Variants in RACGAP1 observed in about 807,000 individuals in gnomAD.
The protein encoded by RACGAP1 is rac GTPase-activating protein 1.
A neutral mutation model predicts 78.1 loss-of-function variants in RACGAP1; 30 were observed. That is an observed-to-expected ratio of 0.38 (90% CI 0.29 to 0.52). RACGAP1 has a LOEUF of 0.52. RACGAP1 is among the 20% of genes least tolerant of loss of function. RACGAP1 has a pLI of 0.82. For missense variants in RACGAP1, 587 were observed against 777.1 expected (o/e 0.76, Z 2.91); for synonymous variants, 231 against 264.8 (o/e 0.87, Z 1.24).
chr12:50,026,104 C>A (rs949813734), upstream of RACGAP1, among the ~76,000 whole-genome samples: 1 of 152,188 alleles, frequency 6.6e-6, no homozygotes, highest in Non-Finnish European at 1.5e-5. Flanking sequence ...TTATTTAGAA[C>A]TTGGCATTGT....
At position 49,989,329 on chromosome 12, in the gene RACGAP1, A is replaced by G. The variant is rs1947692994; in HGVS notation, c.*939T>C. The G allele has an allele frequency of 6.6e-6, 1 of 152,218 alleles. No homozygotes were observed. Among genetic ancestry groups the G allele is most frequent in the South Asian group, 2.1e-4 (1 of 4,832 alleles). 9.4% of individuals were successfully genotyped at this position (152,218 alleles called of 1,614,324 possible). On this transcript the variant is annotated 3_prime_UTR_variant, in exon 17 of 17. Transcript: ENST00000312377. ...AGCTCACATCTATCTAGATGTGGCTATGTTCCATGGGAAAAATTTCAGCAT... is the reference window on the plus strand; with the variant it reads ...AGCTCACATCTATCTAGATGTGGCTGTGTTCCATGGGAAAAATTTCAGCAT...
upstream of RACGAP1, among the ~76,000 whole-genome samples, chr12:50,029,754 G>A (rs868194710): frequency 2.6e-4 from 40 of 151,698 alleles, no homozygotes; most frequent in Non-Finnish European, 4.0e-4. Context: ...TTAGCTGGGC[G>A]TGGTGGCGGG....
At chr12:50,024,058 G>A (rs56773627) in intron 1 of RACGAP1, among the ~76,000 whole-genome samples, 7,931 of 152,118 alleles carry the variant, frequency 0.052, 675 homozygotes, top group African/African-American at 0.18. Flanking sequence ...CTACTCGGGA[G>A]GCTGAGGCAG....
At chr12:50,009,698 A>G in intron 2 of RACGAP1, among the ~76,000 whole-genome samples, 1 of 152,220 alleles carries the variant, frequency 6.6e-6, no homozygotes. Context: ...AGACCACCTT[A>G]CCAGTTTAAT....
intron 2 of RACGAP1, among the ~76,000 whole-genome samples, chr12:50,007,803 T>A (rs576071644): frequency 6.6e-6 from 1 of 152,228 alleles, no homozygotes; most frequent in Non-Finnish European, 1.5e-5. Context: ...GACCTAGTTA[T>A]CTTAAACAAT....
upstream of RACGAP1, among the ~76,000 whole-genome samples, chr12:50,025,896 C>T (rs949941795): frequency 5.3e-5 from 8 of 152,162 alleles, no homozygotes; most frequent in Non-Finnish European, 1.0e-4. Flanking sequence ...ATTATCCCTT[C>T]CATTGATGTA....
intron 1 of RACGAP1, among the ~76,000 whole-genome samples, chr12:50,018,797 G>A (rs1225107088): frequency 6.6e-6 from 1 of 151,558 alleles, no homozygotes; most frequent in African/African-American, 2.4e-5. Context: ...TTTAGGGGGG[G>A]TTTTAAGTCT....
At chr12:50,023,751 GAAAA>G (rs931942007) in intron 1 of RACGAP1, among the ~76,000 whole-genome samples, 1 of 149,558 alleles carries the variant, frequency 6.7e-6, no homozygotes, top group African/African-American at 2.5e-5. Context: ...AAAAGAAAAA[GAAAA>G]AAAAAGTAAA....
chr12:49,997,331 G>C, intron 9 of RACGAP1, 127 bp from the exon 10 acceptor site: 2 of 1,304,042 alleles, frequency 1.5e-6, no homozygotes, highest in Non-Finnish European at 2.0e-6. Context: ...CTGGAGTGCA[G>C]TGGTGTGATT....
rs76923164 is a variant in RACGAP1 at position 50,009,909 on chromosome 12, A to C, written c.86-3273T>G. 5.4e-3 allele frequency among the ~76,000 whole-genome samples: 829 copies of C among 152,296 alleles called. 4 individuals carry two copies. The highest frequency in any genetic ancestry group is 8.9e-3 in the Non-Finnish European group (606 of 68,024). On this transcript the variant is annotated intron_variant, in intron 2 of 16. Coordinates refer to ENST00000312377, the MANE Select transcript of RACGAP1 (RefSeq NM_001319999.2). ...TTCCTAATCAGTTTGCTACACACTA[A>C]ATTTTTCTAGATTACCCAAAAGCAT...
chr12:50,005,087 T>C (rs576354912), intron 4 of RACGAP1, among the ~76,000 whole-genome samples, 169 bp downstream of exon 4: 5 of 152,234 alleles, frequency 3.3e-5, no homozygotes, highest in Non-Finnish European at 7.3e-5. Flanking sequence ...AAATAAAATA[T>C]ACAGGGACAT....
chr12:50,029,597 A>T (rs1417306097), upstream of RACGAP1, among the ~76,000 whole-genome samples: 2 of 151,252 alleles, frequency 1.3e-5, no homozygotes, highest in African/African-American at 2.4e-5. Context: ...TAATTTAATT[A>T]AAAAAAAATT....
At chr12:50,016,773 AG>A (rs1949707433) in intron 1 of RACGAP1, 54 bp from the exon 2 acceptor site, 4 of 1,568,274 alleles carry the variant, frequency 2.6e-6, no homozygotes, top group Non-Finnish European at 3.5e-6. Context: ...CCACAACAAA[AG>A]ATTCTATAGC....
Position 50,005,321 on chromosome 12 carries a change from C to T in RACGAP1, c.360G>A (p.Glu120=). The change falls in exon 4 of 17, where the codon GAG becomes GAA. Residue 120 remains glutamate (E), a synonymous_variant. Transcript: ENST00000312377. ...DTSGSIQLSE[E]QKSALAFLNR... is the part of the protein sequence containing the mutation. ...TGAGAAAAGCCAGAGCTGATTTTTG[C>T]TCCTCGCTTAGTTGAATGCTGCCAG... The T allele has an allele frequency of 6.2e-7, 1 of 1,614,224 alleles. No individual in the cohort carries two copies. Among genetic ancestry groups the T allele is most frequent in the Non-Finnish European group, 8.5e-7 (1 of 1,180,024 alleles).
chr12:49,997,468 G>T (rs1948375984), intron 9 of RACGAP1, among the ~76,000 whole-genome samples: 1 of 151,796 alleles, frequency 6.6e-6, no homozygotes, highest in Non-Finnish European at 1.5e-5. Flanking sequence ...TAGAGACAGG[G>T]TTTCACCATG....
intron 1 of RACGAP1, among the ~76,000 whole-genome samples, chr12:50,022,380 T>C (rs1354133215): frequency 1.3e-5 from 2 of 152,140 alleles, no homozygotes; most frequent in Non-Finnish European, 2.9e-5. Flanking sequence ...GTCGGCAGTT[T>C]GAGACCAGCC....
chr12:50,029,289 G>A (rs1236060071), upstream of RACGAP1, among the ~76,000 whole-genome samples: 1 of 151,740 alleles, frequency 6.6e-6, no homozygotes, highest in African/African-American at 2.4e-5. Flanking sequence ...AGGAGGCTGA[G>A]GCAGAAAAAT....
At chr12:50,022,899 T>C (rs1387874194) in intron 1 of RACGAP1, among the ~76,000 whole-genome samples, 2 of 152,248 alleles carry the variant, frequency 1.3e-5, no homozygotes, top group African/African-American at 4.8e-5. Flanking sequence ...ACTCAAATGC[T>C]GCTTTCTCAG....
chr12:50,009,741 C>T (rs1382341543), intron 2 of RACGAP1, among the ~76,000 whole-genome samples: 9 of 152,190 alleles, frequency 5.9e-5, no homozygotes, highest in Admixed American at 5.9e-4. Flanking sequence ...GCAATAAATA[C>T]CCCTCTAGCT....
Sources: allele counts gnomAD v4.1 joint callset (sites outside exome capture counted in the v4.1 genomes callset), GRCh38; gene constraint gnomAD v4.1.1; transcripts MANE v1.5; gene names NCBI Gene and HGNC (gene_info 2026-07-23, HGNC 2026-07-21).